The following CNGB3 variants were observed in gnomAD, a reference collection of about 807,000 sequenced individuals.
CNGB3 encodes cyclic nucleotide gated channel subunit beta 3.
In CNGB3, 86 loss-of-function variants were observed where a neutral mutation model predicts 92.8. That is an observed-to-expected ratio of 0.93 (90% CI 0.78 to 1.11). The LOEUF (loss-of-function observed/expected upper bound fraction) is 1.11. CNGB3 is among the 50% of genes least tolerant of loss of function. CNGB3 has a pLI of 0.00. For synonymous variants in CNGB3, 333 were observed against 332.7 expected (o/e 1.00, Z -0.01); for missense variants, 1,026 against 956.8 (o/e 1.07, Z -0.95).
At chr8:86,711,956 T>C (rs181164022) in intron 3 of CNGB3, among the ~76,000 whole-genome samples, 1 of 151,948 alleles carries the variant, frequency 6.6e-6, no homozygotes, top group East Asian at 1.9e-4. Flanking sequence ...CAGATTGCAC[T>C]GTTTTGAGTA....
rs57907634 is a variant in CNGB3, at chr8:86,636,572, C to CAAAAAAAAAAAA, written c.1179-3691_1179-3680dup. Among the ~76,000 whole-genome samples, 5 of 40,098 alleles carry CAAAAAAAAAAAA rather than the reference C, an allele frequency of 1.2e-4. 1 individual carries two copies. Among genetic ancestry groups the CAAAAAAAAAAAA allele is most frequent in the Non-Finnish European group, 2.1e-4 (5 of 24,162 alleles). 26.3% of individuals were successfully genotyped at this position (40,098 alleles called of 152,430 possible). Reference sequence around the variant, plus strand: ...GGGGTGACAGAGTAAGACCCTGTCTCAAAAAAAAAAAAAAAAAAAAAAAAA... The same window carrying CAAAAAAAAAAAA: ...GGGGTGACAGAGTAAGACCCTGTCTCAAAAAAAAAAAAAAAAAAAAAAAAAAAAAAAAAAAAA... On this transcript the variant is annotated intron_variant, in intron 10 of 17. Transcript: ENST00000320005.
Position 86,726,606 on chromosome 8 carries a change from G to T in CNGB3, c.263C>A (p.Pro88His). 6.2e-7 allele frequency: 1 copy of T among 1,613,834 alleles called. No homozygotes were observed. The highest frequency in any genetic ancestry group is 8.5e-7 in the Non-Finnish European group (1 of 1,179,822). Residue 88 changes from proline to histidine, a missense_variant, in exon 3 of 18, where the codon CCT (proline) becomes CAT (histidine). Pro to His is a moderately conservative substitution (Grantham distance 77). Transcript: ENST00000320005. ...TCCAGTTGGTTCTGCTGCATTTTGA[G>T]GGTCAGGGTTTGTGGTCAGATCTCC... ...SSGDLTTNPD[P>H]QNAAEPTGTV... is the part of the protein sequence containing the mutation.
intron 3 of CNGB3, among the ~76,000 whole-genome samples, chr8:86,712,783 G>A (rs1382371511): frequency 7.4e-6 from 1 of 135,690 alleles, no homozygotes; most frequent in Admixed American, 7.9e-5. Flanking sequence ...TTTAGATGAG[G>A]TCTTGCTGTG....
intron 7 of CNGB3, among the ~76,000 whole-genome samples, chr8:86,651,436 C>T (rs1308938088): frequency 1.3e-5 from 2 of 151,830 alleles, no homozygotes; most frequent in African/African-American, 4.8e-5. Context: ...TTAGAAATTG[C>T]ATCATATCAT....
intron 15 of CNGB3, chr8:86,594,089 G>T (rs543813817): frequency 1.2e-4 from 39 of 317,072 alleles, no homozygotes; most frequent in African/African-American, 8.0e-4. Context: ...CCAGGATCCT[G>T]GAGGTCGGGA....
intron 4 of CNGB3, among the ~76,000 whole-genome samples, chr8:86,668,693 C>CAA (rs11286058): frequency 1.5e-5 from 2 of 137,160 alleles, no homozygotes; most frequent in South Asian, 4.6e-4. Context: ...TAAATTTTTA[C>CAA]AAAAAAAAAA....
intron 13 of CNGB3, among the ~76,000 whole-genome samples, chr8:86,614,358 G>C (rs2131569270): frequency 6.6e-6 from 1 of 152,204 alleles, no homozygotes; most frequent in Admixed American, 6.5e-5. Flanking sequence ...TGGAACTCAT[G>C]TCTGCTTGCT....
chr8:86,626,915 T>C (rs1822860723), intron 12 of CNGB3, among the ~76,000 whole-genome samples: 1 of 152,098 alleles, frequency 6.6e-6, no homozygotes, highest in Non-Finnish European at 1.5e-5. Flanking sequence ...TAAACTCATG[T>C]CATGGGGATT....
chr8:86,593,697 C>T lies in CNGB3; in HGVS notation c.1781+10396G>A, dbSNP rs938589732. 1.4e-4 allele frequency: 102 copies of T among 745,268 alleles called. No individual in the cohort carries two copies. The Middle Eastern group carries it at 3.8e-3, about 28-fold the overall frequency. The allele number at this position is 745,268 out of a possible 1,614,324, so 46.2% of individuals were successfully genotyped here. ...GCCCACAGCCAGACCTCACTAGGCA[C>T]GCTGAGGGCCAGGCCTGTCGTCCAG... On this transcript the variant is annotated intron_variant, in intron 15 of 17. Transcript: ENST00000320005.
chr8:86,711,041 C>T (rs1230404613), intron 3 of CNGB3, among the ~76,000 whole-genome samples: 1 of 152,130 alleles, frequency 6.6e-6, no homozygotes, highest in Non-Finnish European at 1.5e-5. Flanking sequence ...ATAATTTTAA[C>T]TTATTTTGGT....
At chr8:86,680,677 C>T (rs974821618) in intron 3 of CNGB3, among the ~76,000 whole-genome samples, 1 of 152,000 alleles carries the variant, frequency 6.6e-6, no homozygotes, top group African/African-American at 2.4e-5. Context: ...GACTCTATGC[C>T]CAGACAGTGA....
intron 15 of CNGB3, among the ~76,000 whole-genome samples, chr8:86,586,326 AT>A (rs199734817): frequency 5.6e-4 from 41 of 72,752 alleles, no homozygotes; most frequent in South Asian, 1.3e-3. Flanking sequence ...AATAGATAAT[AT>A]TTTTTTTTAA....
At chr8:86,713,610 A>C (rs1301373181) in intron 3 of CNGB3, among the ~76,000 whole-genome samples, 1 of 152,186 alleles carries the variant, frequency 6.6e-6, no homozygotes, top group Non-Finnish European at 1.5e-5. Flanking sequence ...TGAGTGTGGA[A>C]TTACCAATTT....
chr8:86,630,247 G>C (rs751259396), intron 11 of CNGB3, among the ~76,000 whole-genome samples: 14 of 152,104 alleles, frequency 9.2e-5, no homozygotes, highest in Non-Finnish European at 1.8e-4. Context: ...GTTCTTGGCT[G>C]ATAACTTACA....
chr8:86,671,438 C>T (rs1483962829), intron 3 of CNGB3, among the ~76,000 whole-genome samples: 2 of 152,104 alleles, frequency 1.3e-5, no homozygotes, highest in African/African-American at 4.8e-5. Flanking sequence ...ATTCCCTGCC[C>T]CTTGGTATAT....
intron 13 of CNGB3, among the ~76,000 whole-genome samples, chr8:86,624,935 T>TA (rs1410300251): frequency 6.6e-6 from 1 of 152,140 alleles, no homozygotes; most frequent in African/African-American, 2.4e-5. Context: ...GTTCTCATAA[T>TA]ATCTGGCTGC....
chr8:86,610,153 A>G (rs1430795606), intron 14 of CNGB3, among the ~76,000 whole-genome samples: 1 of 152,108 alleles, frequency 6.6e-6, no homozygotes, highest in African/African-American at 2.4e-5. Context: ...CAAATCAGTC[A>G]CTGAGGGGTG....
At chr8:86,660,223 T>C (rs1823608988) in intron 6 of CNGB3, 1 of 310,946 alleles carries the variant, frequency 3.2e-6, no homozygotes, top group Admixed American at 4.4e-5. Context: ...GAGTTGTTTG[T>C]ATGCTGATAT....
chr8:86,622,092 G>A (rs1177522718), intron 13 of CNGB3, among the ~76,000 whole-genome samples: 1 of 152,156 alleles, frequency 6.6e-6, no homozygotes, highest in African/African-American at 2.4e-5. Flanking sequence ...CCAACTCCAA[G>A]TTGCTGCAAA....
Sources: allele counts gnomAD v4.1 joint callset (sites outside exome capture counted in the v4.1 genomes callset), GRCh38; gene constraint gnomAD v4.1.1; transcripts MANE v1.5; gene names NCBI Gene and HGNC (gene_info 2026-07-23, HGNC 2026-07-21).